The following ARSB variants were observed in gnomAD, a reference collection of about 807,000 sequenced individuals.
The protein encoded by ARSB is arylsulfatase B.
In ARSB, 41 loss-of-function variants were observed where a neutral mutation model predicts 50.9. The observed-to-expected ratio is 0.81, with a 90% CI of 0.63 to 1.04. The LOEUF is 1.04. Ranked by LOEUF, ARSB falls within the 50% of genes least tolerant of loss-of-function variation. The probability of loss-of-function intolerance (pLI) is 0.00; values close to 1 mark genes in which losing one functional copy is unlikely to be tolerated. For synonymous variants in ARSB, 269 were observed against 284.8 expected, an observed-to-expected ratio of 0.94 and a Z score of 0.56; for missense variants, 672 against 693.3, an observed-to-expected ratio of 0.97 and a Z score of 0.35.
intron 5 of ARSB, among the ~76,000 whole-genome samples, chr5:78,851,086 T>TCTTGC: frequency 6.6e-6 from 1 of 152,222 alleles, no homozygotes; most frequent in Non-Finnish European, 1.5e-5. Flanking sequence ...CTTAGTTATT[T>TCTTGC]CTTGCCTTCT....
In ARSB at chr5:78,885,757, T is replaced by G; in HGVS notation, c.969A>C (p.Glu323Asp). The G allele has an allele frequency of 1.2e-6, 2 of 1,614,132 alleles. No individual in the cohort carries two copies. Among genetic ancestry groups the G allele is most frequent in the Non-Finnish European group, 1.7e-6 (2 of 1,180,020 alleles). Reference protein sequence around the residue: ...PLRGRKWSLWEGGVRGVGFVA... With the variant: ...PLRGRKWSLWDGGVRGVGFVA... ...CAAAGCCCACCCCTCGGACGCCTCC[T>G]TCCCACAGGCTCCATTTTCTTCCTC... is the stretch of plus-strand genomic sequence containing the variant. The change falls in exon 5 of 8, where the codon GAA becomes GAC. Residue 323 changes from glutamate to aspartate, a missense_variant. Physicochemically the swap from Glu to Asp is conservative, Grantham distance 45. Coordinates refer to ENST00000264914, the MANE Select transcript of ARSB (RefSeq NM_000046.5).
chr5:78,842,018 G>C (rs1745238732), intron 5 of ARSB, among the ~76,000 whole-genome samples: 1 of 152,276 alleles, frequency 6.6e-6, no homozygotes, highest in Admixed American at 6.5e-5. Flanking sequence ...CTTCCTGAGG[G>C]GGAGGTAGAG....
intron 6 of ARSB, among the ~76,000 whole-genome samples, chr5:78,803,540 G>A (rs1743467373): frequency 6.6e-6 from 1 of 152,212 alleles, no homozygotes; most frequent in South Asian, 2.1e-4. Context: ...AGCAGACAGA[G>A]CCCTGGCCTT....
At chr5:78,918,250 C>T (rs1749647213) in intron 4 of ARSB, among the ~76,000 whole-genome samples, 1 of 152,112 alleles carries the variant, frequency 6.6e-6, no homozygotes, top group Non-Finnish European at 1.5e-5. Context: ...TAGCTGAAGT[C>T]AGAAGCTTTA....
intron 5 of ARSB, chr5:78,883,506 G>A (rs1747861678): frequency 2.6e-5 from 4 of 152,216 alleles, no homozygotes; most frequent in Admixed American, 2.6e-4. Flanking sequence ...CCAAAATAAT[G>A]TTTAGAAATG....
intron 4 of ARSB, among the ~76,000 whole-genome samples, chr5:78,903,291 G>T (rs1748886121): frequency 6.6e-6 from 1 of 152,176 alleles, no homozygotes; most frequent in South Asian, 2.1e-4. Context: ...AGTCTTCCTA[G>T]TGTCACAAGA....
chr5:78,964,578 A>G lies in ARSB; in HGVS notation c.528T>C (p.Tyr176=). The G allele has an allele frequency of 1.2e-6, 2 of 1,613,862 alleles. No homozygotes were observed. Among genetic ancestry groups the G allele is most frequent in the Non-Finnish European group, 1.7e-6 (2 of 1,179,918 alleles). The change falls in exon 3 of 8, where the codon TAT becomes TAC. Residue 176 remains tyrosine (Y), a synonymous_variant. Transcript: ENST00000264914. ...CAATTAATGTACAGCGTTCATGGGA[A>G]TAATAATCTTCACTACCCAGGAGAT... ...FGYLLGSEDY[Y]SHERCTLIDA...
chr5:78,964,662 T>C, intron 2 of ARSB, 56 bp from the exon 3 acceptor site: 3 of 1,530,614 alleles, frequency 2.0e-6, no homozygotes, highest in Non-Finnish European at 2.7e-6. Flanking sequence ...TTAAACAAAC[T>C]AATGTTTCAG....
intron 4 of ARSB, among the ~76,000 whole-genome samples, chr5:78,891,311 A>C (rs1748281269): frequency 6.6e-6 from 1 of 152,244 alleles, no homozygotes; most frequent in Non-Finnish European, 1.5e-5. Flanking sequence ...CTTGGACCCC[A>C]GTGAGAATTT....
At chr5:78,886,968 T>A (rs1432637109) in intron 4 of ARSB, among the ~76,000 whole-genome samples, 1 of 152,174 alleles carries the variant, frequency 6.6e-6, no homozygotes, top group Admixed American at 6.5e-5. Flanking sequence ...GCATTATCTC[T>A]CACAGAATCT....
intron 3 of ARSB, among the ~76,000 whole-genome samples, chr5:78,960,635 G>A (rs918438300): frequency 2.6e-5 from 4 of 152,152 alleles, no homozygotes; most frequent in African/African-American, 9.7e-5. Context: ...GCACGAGCTT[G>A]GCTCACTGCA....
Position 78,984,984 on chromosome 5 carries a change from G to C in ARSB, c.265C>G (p.Pro89Ala). Reference protein sequence around the residue: ...GVLLDNYYTQPLCTPSRSQLL... With the variant: ...GVLLDNYYTQALCTPSRSQLL... The stretch of plus-strand genomic sequence containing the variant: ...TGGCTCCGCGACGGCGTGCACAGCG[G>C]CTGCGTGTAGTAGTTGTCCAGGAGC... The change falls in exon 1 of 8, where the codon CCG (proline) becomes GCG (alanine). Residue 89 changes from proline to alanine, a missense_variant. Coordinates refer to ENST00000264914, the MANE Select transcript of ARSB (RefSeq NM_000046.5). 6.6e-7 allele frequency: 1 copy of C among 1,523,582 alleles called. No individual in the cohort carries two copies. The allele number at this position is 1,523,582 out of a possible 1,614,324, so 94.4% of individuals were successfully genotyped here. A position where few individuals can be genotyped will look rare whatever the true frequency, so the allele number is the denominator to read the frequency against.
chr5:78,909,784 G>A (rs774968154), intron 4 of ARSB, among the ~76,000 whole-genome samples: 32 of 152,142 alleles, frequency 2.1e-4, no homozygotes, highest in Non-Finnish European at 3.7e-4. Context: ...CCCGAGACCC[G>A]TGAAGGGTCT....
At chr5:78,812,428 C>T (rs1419957463) in intron 6 of ARSB, among the ~76,000 whole-genome samples, 1 of 152,128 alleles carries the variant, frequency 6.6e-6, no homozygotes, top group African/African-American at 2.4e-5. Context: ...AAGGAAATTT[C>T]AAGTTTGAAT....
At chr5:78,980,888 G>C (rs1752874517) in intron 1 of ARSB, among the ~76,000 whole-genome samples, 1 of 152,000 alleles carries the variant, frequency 6.6e-6, no homozygotes, top group African/African-American at 2.4e-5. Context: ...GAGTCATAGG[G>C]CTGTGGGAAG....
At chr5:78,798,953 A>G (rs1376230716) in intron 6 of ARSB, among the ~76,000 whole-genome samples, 1 of 152,204 alleles carries the variant, frequency 6.6e-6, no homozygotes, top group Non-Finnish European at 1.5e-5. Context: ...GATGCTTGCC[A>G]AAGGTAAAAA....
intron 1 of ARSB, among the ~76,000 whole-genome samples, chr5:78,972,639 C>T (rs578242883): frequency 6.6e-6 from 1 of 152,118 alleles, no homozygotes; most frequent in East Asian, 1.9e-4. Context: ...ATATAGTATG[C>T]TAATTGGCAA....
At chr5:78,891,222 C>T (rs559138376) in intron 4 of ARSB, among the ~76,000 whole-genome samples, 10 of 152,172 alleles carry the variant, frequency 6.6e-5, no homozygotes, top group Non-Finnish European at 1.5e-4. Flanking sequence ...AGCCTTTGTC[C>T]AGCTACTCTG....
chr5:78,906,862 AT>A (rs1324601325), intron 4 of ARSB, among the ~76,000 whole-genome samples: 4 of 152,044 alleles, frequency 2.6e-5, no homozygotes, highest in Non-Finnish European at 4.4e-5. Context: ...ACTTGTCTTG[AT>A]TTTTTTTAAA....
Sources: allele counts gnomAD v4.1 joint callset (sites outside exome capture counted in the v4.1 genomes callset), GRCh38; gene constraint gnomAD v4.1.1; transcripts MANE v1.5; gene names NCBI Gene and HGNC (gene_info 2026-07-23, HGNC 2026-07-21).